SLC25A28: variants seen among roughly 807,000 people sequenced by gnomAD.
SLC25A28 encodes the protein solute carrier family 25 member 28.
In SLC25A28, 10 loss-of-function variants were observed where a neutral mutation model predicts 31.9. That is an observed-to-expected ratio of 0.31 (90% CI 0.19 to 0.53). The LOEUF is 0.53. Ranked by LOEUF, SLC25A28 falls within the 20% of genes least tolerant of loss-of-function variation. The pLI is 0.95. For synonymous variants in SLC25A28, 208 were observed against 203.6 expected, an observed-to-expected ratio of 1.02 and a Z score of -0.19; for missense variants, 256 against 490.3, an observed-to-expected ratio of 0.52 and a Z score of 4.51.
At chr10:99,616,658 T>G (rs1244106195) in intron 1 of SLC25A28, 1 of 985,352 alleles carries the variant, frequency 1.0e-6, no homozygotes, top group Non-Finnish European at 1.2e-6. Flanking sequence ...GGTCATATGT[T>G]CAGGGACAAG....
chr10:99,640,014 A>G, the SLC25A28 span, among the ~76,000 whole-genome samples: 1 of 152,196 alleles, frequency 6.6e-6, no homozygotes. Context: ...GCTTTTCAAG[A>G]AACTTGAAAT....
the SLC25A28 span, among the ~76,000 whole-genome samples, chr10:99,635,928 G>A: frequency 1.4e-4 from 22 of 152,194 alleles, no homozygotes; most frequent in Middle Eastern, 6.8e-3. Context: ...TATCACAATC[G>A]TAAACATATA....
At chr10:99,643,406 G>A in the SLC25A28 span, among the ~76,000 whole-genome samples, 1,292 of 152,132 alleles carry the variant, frequency 8.5e-3, 9 homozygotes, top group Non-Finnish European at 0.014. Flanking sequence ...TGGGATCGGT[G>A]GTGATATCCC....
chr10:99,624,562 C>T (rs1010268285), upstream of SLC25A28, among the ~76,000 whole-genome samples: 2 of 152,172 alleles, frequency 1.3e-5, no homozygotes. Context: ...AGGCCAGGCA[C>T]GGTGGCTCAT....
intron 1 of SLC25A28, chr10:99,616,381 A>G: frequency 1.2e-6 from 1 of 853,794 alleles, no homozygotes; most frequent in African/African-American, 1.8e-5. Flanking sequence ...ATTAAAAGAG[A>G]TAAGATATGT....
chr10:99,611,167 G>A lies in SLC25A28; in HGVS notation c.777C>T (p.Tyr259=), dbSNP rs34709553. 1.3e-3 allele frequency: 2,049 copies of A among 1,614,200 alleles called. 26 individuals are homozygous for A. In the African/African-American group the frequency reaches 0.024, roughly 19 times the overall value. Residue 259 remains tyrosine, a synonymous_variant, in exon 4 of 4, where the codon TAC becomes TAT. Coordinates refer to ENST00000370495, the MANE Select transcript of SLC25A28 (RefSeq NM_031212.4). This position sits in a 1 kb window ranked among gnomAD's most constrained non-coding sequence, Gnocchi z 5.5. ...CAGAGAGGACGTGGGAGCTTGGGTT[G>A]TACCGTCTCTGGGGGTTAAAGTGCT... ...LQEHFNPQRR[Y]NPSSHVLSGA...
chr10:99,610,615 G>T lies in SLC25A28; in HGVS notation c.*234C>A. 1.8e-6 allele frequency: 1 copy of T among 559,242 alleles called. No individual in the cohort carries two copies. 34.6% of individuals were successfully genotyped at this position (559,242 alleles called of 1,614,324 possible). ...CAGGTCATCAGGCCCAGGATGGAGA[G>T]AGGTTATCAAAGGTGCTGTGGTGTG... On this transcript the variant is annotated 3_prime_UTR_variant, in exon 4 of 4. Transcript: ENST00000370495.
At chr10:99,644,631 T>C in the SLC25A28 span, among the ~76,000 whole-genome samples, 1 of 152,244 alleles carries the variant, frequency 6.6e-6, no homozygotes, top group Non-Finnish European at 1.5e-5. Context: ...CGTTAGTTGA[T>C]GCAGTTTCTT....
the SLC25A28 span, among the ~76,000 whole-genome samples, chr10:99,631,985 C>T: frequency 0.86 from 124,009 of 144,740 alleles, 53,219 homozygotes; most frequent in Middle Eastern, 0.92. Flanking sequence ...CAAGCTCCGC[C>T]TCCCGGGTTC....
chr10:99,610,886 A>G lies in SLC25A28; in HGVS notation c.1058T>C (p.Ile353Thr). The G allele has an allele frequency of 6.2e-7, 1 of 1,614,116 alleles. No homozygotes were observed. Among genetic ancestry groups the G allele is most frequent in the Non-Finnish European group, 8.5e-7 (1 of 1,180,014 alleles). Reference protein sequence around the residue: ...WSVYEFFKYLITKRQEEWRAG... With the variant: ...WSVYEFFKYLTTKRQEEWRAG... Reference sequence around the variant, plus strand: ...CCTCCACTCTTCTTGCCTTTTAGTGATTAGGTATTTGAAGAACTCATACAC... The same window carrying G: ...CCTCCACTCTTCTTGCCTTTTAGTGGTTAGGTATTTGAAGAACTCATACAC... Residue 353 changes from isoleucine to threonine, a missense_variant, in exon 4 of 4, where the codon ATC (isoleucine) becomes ACC (threonine). Around this residue, in one of 4 missense-constraint regions of SLC25A28, gnomAD observed 158 missense variants for 379.1 expected, o/e 0.42. Coordinates refer to ENST00000370495, the MANE Select transcript of SLC25A28 (RefSeq NM_031212.4).
the SLC25A28 span, among the ~76,000 whole-genome samples, chr10:99,659,191 G>A: frequency 1.3e-5 from 2 of 152,236 alleles, no homozygotes; most frequent in Non-Finnish European, 2.9e-5. The surrounding 1 kb of genome is among the most constrained non-coding windows in gnomAD (Gnocchi z 4.1). Flanking sequence ...GCAACCAGCC[G>A]AGAGTTCGCG....
chr10:99,630,798 T>G, the SLC25A28 span, among the ~76,000 whole-genome samples: 1 of 152,240 alleles, frequency 6.6e-6, no homozygotes, highest in African/African-American at 2.4e-5. Context: ...CAAAGATTCA[T>G]GAATGTAAAA....
chr10:99,619,221 T>C, intron 1 of SLC25A28: 2 of 985,416 alleles, frequency 2.0e-6, no homozygotes, highest in Non-Finnish European at 2.4e-6. Context: ...GTTGATCTCT[T>C]TCCATTTTCT....
At chr10:99,620,851 G>A (rs2034776091), upstream of SLC25A28, 1 of 985,472 alleles carries the variant, frequency 1.0e-6, no homozygotes, top group African/African-American at 1.7e-5. Context: ...CCTCACTAGC[G>A]CCTGCAGAGC....
intron 1 of SLC25A28, chr10:99,616,191 C>T: frequency 1.0e-6 from 1 of 985,310 alleles, no homozygotes; most frequent in Non-Finnish European, 1.2e-6. Flanking sequence ...GCCAAACAAC[C>T]CAGTAGAGAG....
At chr10:99,640,202 C>T in the SLC25A28 span, among the ~76,000 whole-genome samples, 1 of 152,292 alleles carries the variant, frequency 6.6e-6, no homozygotes, top group African/African-American at 2.4e-5. Flanking sequence ...TAGCTTAAAA[C>T]AATAAATATT....
In SLC25A28 at chr10:99,613,500, G is replaced by C. The variant is rs1165079410; in HGVS notation, c.520+196C>G. The C allele has an allele frequency of 1.4e-6, 2 of 1,441,676 alleles. No individual in the cohort carries two copies. Among genetic ancestry groups the C allele is most frequent in the African/African-American group, 2.9e-5 (2 of 69,938 alleles). 89.3% of individuals were successfully genotyped at this position (1,441,676 alleles called of 1,614,324 possible). ...GGAGGATACTGTAACCCTTTGTTGA[G>C]GTGCCCCAAAGGAAAAGGCAGGGTT... On this transcript the variant is annotated intron_variant, in intron 2 of 3. Coordinates refer to ENST00000370495, the MANE Select transcript of SLC25A28 (RefSeq NM_031212.4). The surrounding 1 kb of genome is among the most constrained non-coding windows in gnomAD (Gnocchi z 4.9).
At chr10:99,653,523 ATGCTTATTGCTAT>A in the SLC25A28 span, among the ~76,000 whole-genome samples, 45 of 152,326 alleles carry the variant, frequency 3.0e-4, no homozygotes, top group Admixed American at 6.5e-4. Flanking sequence ...AGAGATAATA[ATGCTTATTGCTAT>A]TTTAAGCTGC....
At chr10:99,629,564 C>T in the SLC25A28 span, among the ~76,000 whole-genome samples, 11 of 152,332 alleles carry the variant, frequency 7.2e-5, no homozygotes, top group African/African-American at 2.4e-4. Flanking sequence ...ATTGTGTATA[C>T]ATGCAATGAA....
Sources: gnomAD v4.1 joint callset for allele counts (sites outside exome capture counted in the v4.1 genomes callset) on GRCh38, gnomAD v4.1.1 for gene constraint, gnomAD v4.1.1 regional missense constraint, Gnocchi (gnomAD v3.1) non-coding constraint, MANE v1.5 for transcripts, NCBI Gene and HGNC (gene_info 2026-07-23, HGNC 2026-07-21) for gene names.